GALNTL6: variants seen among roughly 807,000 people sequenced by gnomAD.
GALNTL6 encodes polypeptide N-acetylgalactosaminyltransferase-like 6.
GALNTL6 carries 46 observed loss-of-function variants against 73.7 expected under a neutral mutation model. The observed-to-expected ratio is 0.62, with a 90% CI of 0.49 to 0.80. GALNTL6 has a LOEUF of 0.80. Among genes scored for constraint, GALNTL6 ranks in the 30% least tolerant of loss-of-function variants. GALNTL6 has a pLI of 0.00. For missense variants in GALNTL6, 604 were observed against 755.0 expected, an observed-to-expected ratio of 0.80 and a Z score of 2.34; for synonymous variants, 259 against 263.7, an observed-to-expected ratio of 0.98 and a Z score of 0.17.
intron 7 of GALNTL6, among the ~76,000 whole-genome samples, chr4:172,825,622 G>A (rs1282590217): frequency 6.6e-6 from 1 of 152,128 alleles, no homozygotes; most frequent in African/African-American, 2.4e-5. Context: ...AGGCCTTCTA[G>A]AAGTGGTACA....
intron 2 of GALNTL6, among the ~76,000 whole-genome samples, chr4:171,919,531 T>C (rs149582268): frequency 8.3e-4 from 127 of 152,124 alleles, no homozygotes; most frequent in African/African-American, 2.9e-3. Flanking sequence ...ATGGTGATAT[T>C]AGATCAGGAA....
intron 5 of GALNTL6, among the ~76,000 whole-genome samples, chr4:172,457,858 G>A (rs1202493098): frequency 6.6e-6 from 1 of 152,138 alleles, no homozygotes; most frequent in Non-Finnish European, 1.5e-5. Context: ...GGACTAAGCA[G>A]ATCTAACAGA....
chr4:172,458,903 C>A (rs1196804477), intron 5 of GALNTL6, among the ~76,000 whole-genome samples: 1 of 152,062 alleles, frequency 6.6e-6, no homozygotes, highest in African/African-American at 2.4e-5. Flanking sequence ...CTAGCAGAGA[C>A]ACAACAAAAA....
chr4:173,003,510 G>C (rs1391353957), intron 10 of GALNTL6, among the ~76,000 whole-genome samples: 1 of 152,086 alleles, frequency 6.6e-6, no homozygotes. Flanking sequence ...AGACAATTCA[G>C]CCAAAAAAAT....
At chr4:172,614,608 C>T (rs1477930885) in intron 5 of GALNTL6, among the ~76,000 whole-genome samples, 1 of 152,068 alleles carries the variant, frequency 6.6e-6, no homozygotes, top group Non-Finnish European at 1.5e-5. Context: ...TTGATGATAA[C>T]TTATTCTGAA....
intron 5 of GALNTL6, among the ~76,000 whole-genome samples, chr4:172,385,349 C>G (rs922529277): frequency 1.3e-5 from 2 of 151,960 alleles, no homozygotes; most frequent in Non-Finnish European, 2.9e-5. Context: ...CCTAGTTGTT[C>G]TATTCATTGT....
chr4:172,725,490 A>G lies in GALNTL6; in HGVS notation c.554-83871A>G, dbSNP rs75235417. On this transcript the variant is annotated intron_variant, in intron 5 of 12. Transcript: ENST00000506823. Reference sequence around the variant, plus strand: ...CTTCTCAACAGATATAAGGGGTTGTAATATAACTGGAGAGACTCTTTATCA... The same window carrying G: ...CTTCTCAACAGATATAAGGGGTTGTGATATAACTGGAGAGACTCTTTATCA... Among the ~76,000 whole-genome samples, 26 of 152,340 alleles carry G rather than the reference A, an allele frequency of 1.7e-4. No individual in the cohort carries two copies. The East Asian group carries it at 4.2e-3, about 25-fold the overall frequency.
intron 2 of GALNTL6, among the ~76,000 whole-genome samples, chr4:172,033,298 C>G: frequency 6.6e-6 from 1 of 151,914 alleles, no homozygotes; most frequent in Non-Finnish European, 1.5e-5. Flanking sequence ...TGTTCCATAA[C>G]AAGAATATAT....
intron 5 of GALNTL6, among the ~76,000 whole-genome samples, chr4:172,728,937 T>C (rs1049320294): frequency 2.0e-5 from 3 of 152,298 alleles, no homozygotes; most frequent in East Asian, 3.9e-4. Context: ...AGATATCTCA[T>C]TGTGGTTTTG....
At chr4:172,722,693 C>T (rs889584718) in intron 5 of GALNTL6, among the ~76,000 whole-genome samples, 1 of 152,174 alleles carries the variant, frequency 6.6e-6, no homozygotes, top group African/African-American at 2.4e-5. Flanking sequence ...AAAATTGGCT[C>T]TAGCCTTCTG....
At chr4:172,594,711 A>G (rs1737786911) in intron 5 of GALNTL6, among the ~76,000 whole-genome samples, 1 of 152,210 alleles carries the variant, frequency 6.6e-6, no homozygotes, top group Non-Finnish European at 1.5e-5. Flanking sequence ...AAGGATCTCA[A>G]CACATACTTA....
intron 8 of GALNTL6, among the ~76,000 whole-genome samples, chr4:172,930,839 AT>A (rs1370129516): frequency 6.6e-6 from 1 of 152,004 alleles, no homozygotes; most frequent in Non-Finnish European, 1.5e-5. Context: ...TAATTTTTGT[AT>A]TTTTTGTAGA....
At position 172,244,513 on chromosome 4, in the gene GALNTL6, T is replaced by C. The variant is rs193193581; in HGVS notation, c.247+14749T>C. On this transcript the variant is annotated intron_variant, in intron 3 of 12. Transcript: ENST00000506823. ...AATATCAACTTCCTATGGGCAAGTA[T>C]GCATAAGATTATTTTTCCCAGTAGT... Among the ~76,000 whole-genome samples, 277 of 152,310 alleles carry C rather than the reference T, an allele frequency of 1.8e-3. 1 individual carries two copies. Among genetic ancestry groups the C allele is most frequent in the African/African-American group, 6.3e-3 (263 of 41,592 alleles).
At position 172,536,240 on chromosome 4, in the gene GALNTL6, T is replaced by C. The variant is rs80095368; in HGVS notation, c.553+187551T>C. 8.8e-3 allele frequency among the ~76,000 whole-genome samples: 1,341 copies of C among 152,238 alleles called. 21 individuals carry two copies. The highest frequency in any genetic ancestry group is 0.031 in the African/African-American group (1,287 of 41,528). On this transcript the variant is annotated intron_variant, in intron 5 of 12. Transcript: ENST00000506823. ...TCTCTGGTATGTTCTTATAGCAGCA[T>C]GAGAACAAACTAATAAAGTAAATTG...
At chr4:172,496,359 G>A (rs1734071081) in intron 5 of GALNTL6, among the ~76,000 whole-genome samples, 1 of 152,048 alleles carries the variant, frequency 6.6e-6, no homozygotes, top group Non-Finnish European at 1.5e-5. Flanking sequence ...TGGATTTCTA[G>A]AAATAAGTTA....
chr4:171,863,215 T>C (rs1735880517), intron 2 of GALNTL6, among the ~76,000 whole-genome samples: 1 of 152,188 alleles, frequency 6.6e-6, no homozygotes, highest in African/African-American at 2.4e-5. Context: ...AAAATGGTGA[T>C]AAATATGGAG....
chr4:172,595,848 G>T (rs1579224722), intron 5 of GALNTL6, among the ~76,000 whole-genome samples: 1 of 152,102 alleles, frequency 6.6e-6, no homozygotes, highest in South Asian at 2.1e-4. Flanking sequence ...CTGACAAATT[G>T]GAACAATTGT....
intron 2 of GALNTL6, among the ~76,000 whole-genome samples, chr4:171,860,513 G>A (rs1389421057): frequency 6.6e-6 from 1 of 152,164 alleles, no homozygotes; most frequent in East Asian, 1.9e-4. Flanking sequence ...GGAACAATCA[G>A]TATACCAACT....
chr4:171,882,476 G>T (rs1374122325), intron 2 of GALNTL6, among the ~76,000 whole-genome samples: 1 of 152,220 alleles, frequency 6.6e-6, no homozygotes, highest in Non-Finnish European at 1.5e-5. Context: ...CAGTCTGCAA[G>T]TTGAGGAGCA....
Sources: gnomAD v4.1 joint callset for allele counts (sites outside exome capture counted in the v4.1 genomes callset) on GRCh38, gnomAD v4.1.1 for gene constraint, MANE v1.5 for transcripts, NCBI Gene and HGNC (gene_info 2026-07-23, HGNC 2026-07-21) for gene names.